RTRAF: variants seen among roughly 807,000 people sequenced by gnomAD.
RTRAF encodes RNA transcription, translation and transport factor, also known as tRNA-splicing ligase complex subunit RTRAF.
RTRAF carries 14 observed loss-of-function variants against 34.4 expected under a neutral mutation model. The ratio of observed to expected loss-of-function variants is 0.41; its 90% CI spans 0.27 to 0.64. RTRAF has a LOEUF of 0.64. Ranked by LOEUF, RTRAF falls within the 30% of genes least tolerant of loss-of-function variation. The probability of loss-of-function intolerance (pLI) is 0.34; values close to 1 mark genes in which losing one functional copy is unlikely to be tolerated. For synonymous variants in RTRAF, 96 were observed against 95.3 expected (o/e 1.01, Z -0.04); for missense variants, 291 against 288.4 (o/e 1.01, Z -0.06).
rs1477232606 is a variant in RTRAF at position 52,005,547 on chromosome 14, A to T, written c.*1031A>T. 3 of 1,576,960 alleles carry T rather than the reference A, an allele frequency of 1.9e-6. No homozygotes were observed. Among genetic ancestry groups the T allele is most frequent in the Admixed American group, 3.7e-5 (2 of 54,724 alleles). ...CAGGGTGGTGGGTGAGTATATTGTA[A>T]CCAAGTTGCAACAGCAAGTCTTTGC... On this transcript the variant is annotated 3_prime_UTR_variant, in exon 8 of 8. Transcript: ENST00000261700.
rs544825133 is a variant in RTRAF, at chr14:51,995,659, G to C, written c.286+1837G>C. Among the ~76,000 whole-genome samples the C allele has an allele frequency of 9.2e-5, 14 of 152,150 alleles. No individual in the cohort carries two copies. The South Asian group carries it at 2.9e-3, about 32-fold the overall frequency. ...GTGCTTATCAATTTCAGTAATGTGT[G>C]GCGAATGCAGTATATGTGAGTGTTT... On this transcript the variant is annotated intron_variant, in intron 3 of 7. Transcript: ENST00000261700.
chr14:52,008,034 G>T lies in RTRAF; in HGVS notation c.*3518G>T. 1 of 1,326,422 alleles carries T rather than the reference G, an allele frequency of 7.5e-7. No individual in the cohort carries two copies. Among genetic ancestry groups the T allele is most frequent in the Non-Finnish European group, 1.0e-6 (1 of 957,448 alleles). 82.2% of individuals were successfully genotyped at this position (1,326,422 alleles called of 1,614,324 possible). A position where few individuals can be genotyped will look rare whatever the true frequency, so the allele number is the denominator to read the frequency against. On this transcript the variant is annotated 3_prime_UTR_variant, in exon 8 of 8. Coordinates refer to ENST00000261700, the MANE Select transcript of RTRAF (RefSeq NM_016039.3). ...GCCTGTGGTAGGCAGCATCTAAGCAGCCCCCAGTGATCTCCATCTCCTCAT... is the reference window on the plus strand; with the variant it reads ...GCCTGTGGTAGGCAGCATCTAAGCATCCCCCAGTGATCTCCATCTCCTCAT...
In RTRAF at chr14:51,993,162, A is replaced by G. The variant is rs185580948; in HGVS notation, c.187-561A>G. Among the ~76,000 whole-genome samples the G allele has an allele frequency of 3.7e-3, 567 of 152,288 alleles. 4 individuals carry two copies. Among genetic ancestry groups the G allele is most frequent in the Non-Finnish European group, 6.5e-3 (440 of 68,022 alleles). On this transcript the variant is annotated intron_variant, in intron 2 of 7. Coordinates refer to ENST00000261700, the MANE Select transcript of RTRAF (RefSeq NM_016039.3). The stretch of plus-strand genomic sequence containing the variant: ...GAACCTAAACAGTTATTATCCTTCA[A>G]GTTGATTTTATTATAATCTTATATT...
chr14:52,006,553 G>T lies in RTRAF; in HGVS notation c.*2037G>T, dbSNP rs778977747. The T allele has an allele frequency of 6.2e-7, 1 of 1,613,734 alleles. No individual in the cohort carries two copies. The highest frequency in any genetic ancestry group is 8.5e-7 in the Non-Finnish European group (1 of 1,179,702). On this transcript the variant is annotated 3_prime_UTR_variant, in exon 8 of 8. Transcript: ENST00000261700. ...GGGGCTCACCTCCTCCAGTCTGTGT[G>T]GTAGAAGTGATCTGCATAGCTTACG...
At chr14:51,991,470 A>G in intron 2 of RTRAF, 29 bp downstream of exon 2, 1 of 1,589,282 alleles carries the variant, frequency 6.3e-7, no homozygotes, top group Non-Finnish European at 8.6e-7. Flanking sequence ...AAGTAAAAAT[A>G]CAGAGAGTTT....
intron 3 of RTRAF, 178 bp from the exon 4 acceptor site, chr14:51,998,316 A>G (rs1207514441): frequency 4.2e-6 from 2 of 470,942 alleles, no homozygotes; most frequent in African/African-American, 2.0e-5. Flanking sequence ...AAAATATCCC[A>G]TTTTATATAT....
intron 5 of RTRAF, among the ~76,000 whole-genome samples, chr14:52,001,559 T>G (rs1367368922): frequency 2.0e-5 from 3 of 152,182 alleles, no homozygotes; most frequent in Admixed American, 6.5e-5. Context: ...GTGCATTACC[T>G]ATTCAAAAAA....
At position 52,004,353 on chromosome 14, in the gene RTRAF, ATAAAACAGATGCAGTTC is replaced by A; in HGVS notation, c.581-7_590del. The A allele has an allele frequency of 6.2e-7, 1 of 1,612,940 alleles. No individual in the cohort carries two copies. Among genetic ancestry groups the A allele is most frequent in the Non-Finnish European group, 8.5e-7 (1 of 1,179,500 alleles). On this transcript the variant is annotated splice_acceptor_variant and splice_polypyrimidine_tract_variant and coding_sequence_variant and intron_variant, in exon 8 of 8. Coordinates refer to ENST00000261700, the MANE Select transcript of RTRAF (RefSeq NM_016039.3). LOFTEE classifies it high-confidence loss of function. ...TGTATTGAAGCAGTGTTCTTTTCTCATAAAACAGATGCAGTTCTTAATGAAGCTGCTCAAATTCTGCG... is the reference window on the plus strand; with the variant it reads ...TGTATTGAAGCAGTGTTCTTTTCTCATTAATGAAGCTGCTCAAATTCTGCG...
intron 1 of RTRAF, among the ~76,000 whole-genome samples, chr14:51,990,163 C>T (rs1890406162): frequency 6.6e-6 from 1 of 152,164 alleles, no homozygotes; most frequent in Non-Finnish European, 1.5e-5. Flanking sequence ...TCAGAACCCA[C>T]TGAGCAGTTT....
At chr14:52,003,046 G>GT (rs1890628685) in intron 6 of RTRAF, among the ~76,000 whole-genome samples, 1 of 152,198 alleles carries the variant, frequency 6.6e-6, no homozygotes, top group African/African-American at 2.4e-5. Flanking sequence ...GGAAGGCAGT[G>GT]TAAGTAAAGG....
rs536591431 is a variant in RTRAF at position 51,989,566 on chromosome 14, C to G, written c.-74C>G. On this transcript the variant is annotated 5_prime_UTR_variant, in exon 1 of 8. Transcript: ENST00000261700. ...CCGCCCTCTCGCCGCGTCGCCGGTG[C>G]CTGCGCCTCCCGCTCCACCTCGCTT... 13 of 1,486,284 alleles carry G rather than the reference C, an allele frequency of 8.7e-6. No homozygotes were observed. The South Asian group carries it at 1.4e-4, about 16-fold the overall frequency. 92.1% of individuals were successfully genotyped at this position (1,486,284 alleles called of 1,614,324 possible). A position where few individuals can be genotyped will look rare whatever the true frequency, so the allele number is the denominator to read the frequency against.
At chr14:51,998,029 A>T (rs2140329397) in intron 3 of RTRAF, 1 of 152,214 alleles carries the variant, frequency 6.6e-6, no homozygotes, top group Non-Finnish European at 1.5e-5. Flanking sequence ...TTTCTATAGC[A>T]AAAATTAAGC....
At position 52,010,093 on chromosome 14, in the gene RTRAF, A is replaced by C. The variant is rs532402752; in HGVS notation, c.*5577A>C. 1 of 152,348 alleles carries C rather than the reference A, an allele frequency of 6.6e-6. No homozygotes were observed. Among genetic ancestry groups the C allele is most frequent in the East Asian group, 1.9e-4 (1 of 5,186 alleles). 9.4% of individuals were successfully genotyped at this position (152,348 alleles called of 1,614,324 possible). On this transcript the variant is annotated 3_prime_UTR_variant, in exon 8 of 8. Coordinates refer to ENST00000261700, the MANE Select transcript of RTRAF (RefSeq NM_016039.3). ...GAGGGCTATTAATTCCTGTTAAGTCAACTGGAATAGAGAAGGATACAGGTA... is the reference window on the plus strand; with the variant it reads ...GAGGGCTATTAATTCCTGTTAAGTCCACTGGAATAGAGAAGGATACAGGTA...
In RTRAF at chr14:52,005,819, A is replaced by C. The variant is rs1890754956; in HGVS notation, c.*1303A>C. 1 of 1,613,514 alleles carries C rather than the reference A, an allele frequency of 6.2e-7. No individual in the cohort carries two copies. ...GGAGATACTCATCAGTAAACTGGCC[A>C]CTATGTTTATTTACTGATACAACAC... On this transcript the variant is annotated 3_prime_UTR_variant, in exon 8 of 8. Transcript: ENST00000261700.
rs534945883 is a variant in RTRAF, at chr14:51,993,648, C to A, written c.187-75C>A. ...TAGAGATCCAAACTAAGGTCTCTTTCAACTCTCCCATTCTTTTTTCTGTGA... is the reference window on the plus strand; with the variant it reads ...TAGAGATCCAAACTAAGGTCTCTTTAAACTCTCCCATTCTTTTTTCTGTGA... On this transcript the variant is annotated intron_variant, in intron 2 of 7. Coordinates refer to ENST00000261700, the MANE Select transcript of RTRAF (RefSeq NM_016039.3). 120 of 874,778 alleles carry A rather than the reference C, an allele frequency of 1.4e-4. 1 individual carries two copies. Among genetic ancestry groups the A allele is most frequent in the Non-Finnish European group, 2.1e-4 (113 of 546,100 alleles). 54.2% of individuals were successfully genotyped at this position (874,778 alleles called of 1,614,324 possible).
chr14:51,997,272 G>A (rs1053285786), intron 3 of RTRAF, among the ~76,000 whole-genome samples: 3 of 151,766 alleles, frequency 2.0e-5, no homozygotes, highest in Admixed American at 1.3e-4. Flanking sequence ...TATGTTAATC[G>A]ACAAAAGGTG....
At chr14:52,004,019 A>G in intron 6 of RTRAF, 175 bp from the exon 7 acceptor site, 1 of 627,176 alleles carries the variant, frequency 1.6e-6, no homozygotes, top group South Asian at 2.1e-5. Flanking sequence ...GAAATAGGGA[A>G]AACTCGCTAA....
Position 52,001,709 on chromosome 14 carries a change from A to G in RTRAF, c.463-89A>G, listed in dbSNP as rs866135885. 61 of 993,336 alleles carry G rather than the reference A, an allele frequency of 6.1e-5. 1 individual carries two copies. The Middle Eastern group carries it at 2.9e-3, about 47-fold the overall frequency. The allele number at this position is 993,336 out of a possible 1,614,324, so 61.5% of individuals were successfully genotyped here. On this transcript the variant is annotated intron_variant, in intron 5 of 7. Coordinates refer to ENST00000261700, the MANE Select transcript of RTRAF (RefSeq NM_016039.3). ...AACTTAGGTAATTCTGACTTCATCA[A>G]AATGAGCATCCTTATTCTCTGGGCT...
chr14:51,990,581 A>G (rs1404177383), intron 1 of RTRAF, among the ~76,000 whole-genome samples: 2 of 152,232 alleles, frequency 1.3e-5, no homozygotes, highest in Admixed American at 1.3e-4. Context: ...GAAGCATATC[A>G]AATTATAATC....
Sources: gnomAD v4.1 joint callset for allele counts (sites outside exome capture counted in the v4.1 genomes callset) on GRCh38, gnomAD v4.1.1 for gene constraint, MANE v1.5 for transcripts, NCBI Gene and HGNC (gene_info 2026-07-23, HGNC 2026-07-21) for gene names.